PTH1R: variants seen among roughly 807,000 people sequenced by gnomAD.
PTH1R encodes the protein parathyroid hormone/parathyroid hormone-related peptide receptor.
PTH1R carries 32 observed loss-of-function variants against 70.7 expected under a neutral mutation model. That is an observed-to-expected ratio of 0.45 (90% confidence interval 0.34 to 0.61). The LOEUF is 0.61. Ranked by LOEUF, PTH1R falls within the 20% of genes least tolerant of loss-of-function variation. The probability of loss-of-function intolerance (pLI) is 0.01; values close to 1 mark genes in which losing one functional copy is unlikely to be tolerated. For missense variants in PTH1R, 626 were observed against 792.5 expected, an observed-to-expected ratio of 0.79 and a Z score of 2.52; for synonymous variants, 329 against 324.8, an observed-to-expected ratio of 1.01 and a Z score of -0.14.
chr3:46,901,698 G>T lies in PTH1R; in HGVS notation c.1117-68G>T. ...CAGTGACAGAGCAGAGCCTATGGCCGTGGCTGCCAGGCCTTGCCCCGCCCC... is the reference window on the plus strand; with the variant it reads ...CAGTGACAGAGCAGAGCCTATGGCCTTGGCTGCCAGGCCTTGCCCCGCCCC... On this transcript the variant is annotated intron_variant, in intron 12 of 15. Coordinates refer to ENST00000449590, the MANE Select transcript of PTH1R (RefSeq NM_000316.3). This position sits in a 1 kb window ranked among gnomAD's most constrained non-coding sequence, Gnocchi z 7.3. The T allele has an allele frequency of 2.0e-6, 3 of 1,516,064 alleles. No individual in the cohort carries two copies. Among genetic ancestry groups the T allele is most frequent in the East Asian group, 2.3e-5 (1 of 44,322 alleles). 93.9% of individuals were successfully genotyped at this position (1,516,064 alleles called of 1,614,324 possible).
At chr3:46,885,073 C>A (rs1458799559) in intron 3 of PTH1R, among the ~76,000 whole-genome samples, 1 of 152,170 alleles carries the variant, frequency 6.6e-6, no homozygotes, top group African/African-American at 2.4e-5. Context: ...CTACCACCAA[C>A]CCCACCCCCG....
chr3:46,879,297 T>A lies in PTH1R; in HGVS notation c.-106+1454T>A, dbSNP rs758340449. Among the ~76,000 whole-genome samples the A allele has an allele frequency of 5.3e-5, 8 of 152,190 alleles. No individual in the cohort carries two copies. The highest frequency in any genetic ancestry group is 1.2e-4 in the Non-Finnish European group (8 of 68,026). ...TTTCCAAATCTCAAGTTTTCCCTGG[T>A]GTCAGATCTGAAAAGAACTCCTCCC... On this transcript the variant is annotated intron_variant, in intron 1 of 15. Coordinates refer to ENST00000449590, the MANE Select transcript of PTH1R (RefSeq NM_000316.3). This position sits in a 1 kb window ranked among gnomAD's most constrained non-coding sequence, Gnocchi z 4.7.
At chr3:46,898,903 C>T (rs1265915197) in intron 9 of PTH1R, 46 bp downstream of exon 9, 5 of 1,341,790 alleles carry the variant, frequency 3.7e-6, no homozygotes, top group Admixed American at 2.6e-5. Flanking sequence ...CCACTGGCCT[C>T]GTGGGGCCCC....
rs753660915 is a variant in PTH1R at position 46,898,670 on chromosome 3, A to G, written c.647A>G (p.His216Arg). Residue 216 changes from histidine (H) to arginine (R), a missense_variant, in exon 9 of 16, where the codon CAC becomes CGC. Physicochemically the swap from His to Arg is conservative, Grantham distance 29. This residue lies in a region of PTH1R where 495 missense variants were observed against 638.7 expected (regional missense o/e 0.77). Transcript: ENST00000449590. ...TGTCGCGCGCCCCGCAGGCGGCTGC[A>G]CTGCACGCGCAACTACATCCACATG... is the stretch of plus-strand genomic sequence containing the variant. Reference protein sequence around the residue: ...VLILAYFRRLHCTRNYIHMHL... With the variant: ...VLILAYFRRLRCTRNYIHMHL... The G allele has an allele frequency of 2.5e-6, 4 of 1,612,266 alleles. No homozygotes were observed. Among genetic ancestry groups the G allele is most frequent in the Non-Finnish European group, 2.5e-6 (3 of 1,179,734 alleles).
rs77203770 is a variant in PTH1R at position 46,898,363 on chromosome 3, C to T, written c.544-15C>T. The T allele has an allele frequency of 3.1e-6, 5 of 1,613,124 alleles. No individual in the cohort carries two copies. The highest frequency in any genetic ancestry group is 4.2e-6 in the Non-Finnish European group (5 of 1,179,166). On this transcript the variant is annotated splice_polypyrimidine_tract_variant and intron_variant, in intron 7 of 15. Transcript: ENST00000449590. ...GTCCCAGGGCTCTGACTGTGTCTCC[C>T]CCCGCCCCGCACAGGAGGTGTTTGA...
chr3:46,900,492 GT>G (rs1412528064), intron 10 of PTH1R, among the ~76,000 whole-genome samples: 1 of 152,158 alleles, frequency 6.6e-6, no homozygotes, highest in African/African-American at 2.4e-5. Flanking sequence ...AATATACCAT[GT>G]GCCCCTTGAG....
intron 5 of PTH1R, among the ~76,000 whole-genome samples, chr3:46,897,487 T>C (rs561286344): frequency 1.3e-5 from 2 of 152,220 alleles, no homozygotes; most frequent in African/African-American, 4.8e-5. Context: ...ATCCCAGCAC[T>C]TTGGGAGGCC....
Position 46,883,748 on chromosome 3 carries a change from A to G in PTH1R, c.75+114A>G. The G allele has an allele frequency of 2.4e-6, 3 of 1,237,308 alleles. No homozygotes were observed. The highest frequency in any genetic ancestry group is 2.0e-5 in the Admixed American group (1 of 49,512). 76.6% of individuals were successfully genotyped at this position (1,237,308 alleles called of 1,614,324 possible). A position where few individuals can be genotyped will look rare whatever the true frequency, so the allele number is the denominator to read the frequency against. On this transcript the variant is annotated intron_variant, in intron 3 of 15. Coordinates refer to ENST00000449590, the MANE Select transcript of PTH1R (RefSeq NM_000316.3). The surrounding 1 kb of genome is among the most constrained non-coding windows in gnomAD (Gnocchi z 6.4). ...CCCCCAGTAGTTCGAACTTTGGGTG[A>G]GAGTCCCCTCTGATCCAGGATCCTG...
In PTH1R at chr3:46,899,626, A is replaced by G. The variant is rs2242116; in HGVS notation, c.988+170A>G. The stretch of plus-strand genomic sequence containing the variant: ...ATCCTGACCCTATTCCAGGCTCAGG[A>G]AACAGCAGGGCTTGGCCAGGGATCA... On this transcript the variant is annotated intron_variant, in intron 10 of 15. Transcript: ENST00000449590. Among the ~76,000 whole-genome samples, 81,583 of 152,100 alleles carry G rather than the reference A, an allele frequency of 0.54. 22,945 individuals are homozygous for G. The highest frequency in any genetic ancestry group is 0.62 in the Non-Finnish European group (42,195 of 67,962).
intron 8 of PTH1R, 88 bp downstream of exon 8, chr3:46,898,560 AC>A: frequency 3.1e-6 from 5 of 1,596,540 alleles, no homozygotes; most frequent in Non-Finnish European, 4.3e-6. Flanking sequence ...TGCACCCATC[AC>A]CCCCGGCGGG....
rs771354137 is a variant in PTH1R at position 46,892,017 on chromosome 3, G to A, written c.76-1890G>A. ...GTCAGAGGCACAGGGAGAGCTTCAG[G>A]TTAGTCTTGGAGGCCCCTGGATCCT... On this transcript the variant is annotated intron_variant, in intron 3 of 15. Coordinates refer to ENST00000449590, the MANE Select transcript of PTH1R (RefSeq NM_000316.3). The surrounding 1 kb of genome is among the most constrained non-coding windows in gnomAD (Gnocchi z 5.2). Among the ~76,000 whole-genome samples, 3 of 152,078 alleles carry A rather than the reference G, an allele frequency of 2.0e-5. No individual in the cohort carries two copies. Among genetic ancestry groups the A allele is most frequent in the Non-Finnish European group, 4.4e-5 (3 of 67,996 alleles).
Position 46,882,431 on chromosome 3 carries a change from A to C in PTH1R, c.-48-1081A>C, listed in dbSNP as rs2030662983. On this transcript the variant is annotated intron_variant, in intron 2 of 15. Coordinates refer to ENST00000449590, the MANE Select transcript of PTH1R (RefSeq NM_000316.3). The surrounding 1 kb of genome is among the most constrained non-coding windows in gnomAD (Gnocchi z 4.3). Reference sequence around the variant, plus strand: ...GGCTGTCGGGGGGGCCCCGACATCCATGGCAAGGCGGGGGCCGCGGCGGCG... The same window carrying C: ...GGCTGTCGGGGGGGCCCCGACATCCCTGGCAAGGCGGGGGCCGCGGCGGCG... 1.3e-5 allele frequency: 2 copies of C among 150,078 alleles called. No individual in the cohort carries two copies. The highest frequency in any genetic ancestry group is 6.6e-5 in the Admixed American group (1 of 15,166). The allele number at this position is 150,078 out of a possible 1,614,324, so 9.3% of individuals were successfully genotyped here. A position where few individuals can be genotyped will look rare whatever the true frequency, so the allele number is the denominator to read the frequency against.
In PTH1R at chr3:46,901,534, C is replaced by A. The variant is rs907639503; in HGVS notation, c.1116+54C>A. 1 of 1,545,554 alleles carries A rather than the reference C, an allele frequency of 6.5e-7. No homozygotes were observed. The highest frequency in any genetic ancestry group is 2.0e-5 in the Admixed American group (1 of 51,076). ...GGGTGGGTGGGATGTGCGCCTGCGTCCCCTGGAACCAGCCCCTGACAGGGA... is the reference window on the plus strand; with the variant it reads ...GGGTGGGTGGGATGTGCGCCTGCGTACCCTGGAACCAGCCCCTGACAGGGA... On this transcript the variant is annotated intron_variant, in intron 12 of 15. Transcript: ENST00000449590. This position sits in a 1 kb window ranked among gnomAD's most constrained non-coding sequence, Gnocchi z 7.3.
At chr3:46,895,084 C>A (rs75639205) in intron 4 of PTH1R, among the ~76,000 whole-genome samples, 55,349 of 125,668 alleles carry the variant, frequency 0.44, 13,725 homozygotes, top group Non-Finnish European at 0.57. Context: ...ACAAAAAAAA[C>A]AAACAAACAA....
chr3:46,901,781 T>G lies in PTH1R; in HGVS notation c.1132T>G (p.Phe378Val). Residue 378 changes from phenylalanine (F) to valine (V), a missense_variant, in exon 13 of 16, where the codon TTC (phenylalanine) becomes GTC (valine). By Grantham distance (50) the Phe-to-Val change is conservative. This residue lies in a region of PTH1R where 495 missense variants were observed against 638.7 expected (regional missense o/e 0.77). Transcript: ENST00000449590. The surrounding 1 kb of genome is among the most constrained non-coding windows in gnomAD (Gnocchi z 7.3). ...ACTCCCACAGCTCAACTTCATCCTC[T>G]TCATCAATATCGTCCGGGTGCTCGC... ...LASIVLNFIL[F>V]INIVRVLATK... 1 of 1,614,040 alleles carries G rather than the reference T, an allele frequency of 6.2e-7. No individual in the cohort carries two copies. The highest frequency in any genetic ancestry group is 8.5e-7 in the Non-Finnish European group (1 of 1,179,940).
chr3:46,898,432 G>T lies in PTH1R; in HGVS notation c.598G>T (p.Ala200Ser). Residue 200 changes from alanine (A) to serine (S), a missense_variant, in exon 8 of 16, where the codon GCG becomes TCG. Physicochemically the swap from Ala to Ser is moderately conservative, Grantham distance 99. Around this residue, in one of 3 missense-constraint regions of PTH1R, gnomAD observed 495 missense variants for 638.7 expected, o/e 0.77. Coordinates refer to ENST00000449590, the MANE Select transcript of PTH1R (RefSeq NM_000316.3). ...CACCGTGGGCTACTCCGTGTCCCTG[G>T]CGTCCCTCACCGTAGCTGTGCTCAT... ...IYTVGYSVSL[A>S]SLTVAVLILA... The T allele has an allele frequency of 6.2e-7, 1 of 1,613,966 alleles. No individual in the cohort carries two copies. The highest frequency in any genetic ancestry group is 8.5e-7 in the Non-Finnish European group (1 of 1,179,986).
At chr3:46,888,952 G>A (rs1211652392) in intron 3 of PTH1R, among the ~76,000 whole-genome samples, 2 of 152,214 alleles carry the variant, frequency 1.3e-5, no homozygotes, top group Non-Finnish European at 2.9e-5. Flanking sequence ...AGGAAAGCCT[G>A]GCGAAGGGGA....
At chr3:46,881,520 C>T (rs1451023394) in intron 2 of PTH1R, among the ~76,000 whole-genome samples, 3 of 152,080 alleles carry the variant, frequency 2.0e-5, no homozygotes, top group African/African-American at 4.8e-5. Flanking sequence ...CTCGAGCCTC[C>T]GGGGTTGGGG....
At chr3:46,897,827 C>A (rs2031840158) in intron 5 of PTH1R, 28 bp from the exon 6 acceptor site, 1 of 1,595,528 alleles carries the variant, frequency 6.3e-7, no homozygotes, top group Non-Finnish European at 8.6e-7. Flanking sequence ...CCCTTGGTAT[C>A]CCCTACCCTG....
Sources: allele counts gnomAD v4.1 joint callset (sites outside exome capture counted in the v4.1 genomes callset), GRCh38; gene constraint gnomAD v4.1.1; regional missense constraint gnomAD v4.1.1; non-coding constraint Gnocchi (gnomAD v3.1); transcripts MANE v1.5; gene names NCBI Gene and HGNC (gene_info 2026-07-23, HGNC 2026-07-21).